The following EEF2K variants were observed in gnomAD, a reference collection of about 807,000 sequenced individuals.
EEF2K encodes eukaryotic elongation factor 2 kinase, also known as alternative protein EEF2K.
EEF2K carries 70 observed loss-of-function variants against 93.8 expected under a neutral mutation model. That is an observed-to-expected ratio of 0.75 (90% confidence interval 0.62 to 0.91). The LOEUF (loss-of-function observed/expected upper bound fraction) is 0.91, where lower values mean the gene tolerates loss of function less well. EEF2K is among the 40% of genes least tolerant of loss of function. EEF2K has a pLI of 0.00. For synonymous variants in EEF2K, 376 were observed against 380.8 expected, an observed-to-expected ratio of 0.99 and a Z score of 0.15; for missense variants, 935 against 972.9, an observed-to-expected ratio of 0.96 and a Z score of 0.52.
At chr16:22,209,644 G>T (rs182747537) in intron 1 of EEF2K, among the ~76,000 whole-genome samples, 4 of 152,312 alleles carry the variant, frequency 2.6e-5, no homozygotes, top group South Asian at 4.1e-4. Context: ...GAAAGCTGCA[G>T]GTTATTACCC....
In EEF2K at chr16:22,286,725, C is replaced by G. The variant is rs1321933857; in HGVS notation, c.*2729C>G. Reference sequence around the variant, plus strand: ...TAAGCCCTGAGGGCAGGAGCTATCCCAATTTTGTGTTCCCCAGGGCACCAA... The same window carrying G: ...TAAGCCCTGAGGGCAGGAGCTATCCGAATTTTGTGTTCCCCAGGGCACCAA... On this transcript the variant is annotated 3_prime_UTR_variant, in exon 18 of 18. Transcript: ENST00000263026. 1 of 152,208 alleles carries G rather than the reference C, an allele frequency of 6.6e-6. No homozygotes were observed. The highest frequency in any genetic ancestry group is 1.5e-5 in the Non-Finnish European group (1 of 68,058). 9.4% of individuals were successfully genotyped at this position (152,208 alleles called of 1,614,324 possible).
rs1033834104 is a variant in EEF2K, at chr16:22,284,671, G to A, written c.*675G>A. On this transcript the variant is annotated 3_prime_UTR_variant, in exon 18 of 18. Coordinates refer to ENST00000263026, the MANE Select transcript of EEF2K (RefSeq NM_013302.5). ...TTTTTGCCTTGAATGGACAATTTTA[G>A]GGCTGTGCTCACTAGTCTTTTCAGG... 1 of 151,340 alleles carries A rather than the reference G, an allele frequency of 6.6e-6. No homozygotes were observed. Among genetic ancestry groups the A allele is most frequent in the Non-Finnish European group, 1.5e-5 (1 of 67,942 alleles). The allele number at this position is 151,340 out of a possible 1,614,324, so 9.4% of individuals were successfully genotyped here.
Position 22,258,594 on chromosome 16 carries a change from C to T in EEF2K, c.1130C>T (p.Ser377Leu). ...GSRPPLLRPL[S>L]ENSGDENMSD... ...CGGCCACCCCTGCTCCGTCCCCTTTCAGAGAACTCTGGAGACGAGAACATG... is the reference window on the plus strand; with the variant it reads ...CGGCCACCCCTGCTCCGTCCCCTTTTAGAGAACTCTGGAGACGAGAACATG... The change falls in exon 10 of 18, where the codon TCA becomes TTA. Residue 377 changes from serine to leucine, a missense_variant. Transcript: ENST00000263026. 1 of 1,614,178 alleles carries T rather than the reference C, an allele frequency of 6.2e-7. No individual in the cohort carries two copies. The highest frequency in any genetic ancestry group is 8.5e-7 in the Non-Finnish European group (1 of 1,180,036).
At chr16:22,278,577 C>T (rs1247269211) in intron 16 of EEF2K, among the ~76,000 whole-genome samples, 2 of 152,100 alleles carry the variant, frequency 1.3e-5, no homozygotes, top group Non-Finnish European at 2.9e-5. Context: ...GAGGGCAGCG[C>T]CTGTCAGACA....
chr16:22,217,160 C>CAAAAA (rs59262131), intron 1 of EEF2K, among the ~76,000 whole-genome samples: 4 of 76,478 alleles, frequency 5.2e-5, no homozygotes, highest in East Asian at 3.4e-4. Context: ...GACCCTGTCT[C>CAAAAA]AAAAAAAAAA....
Position 22,244,710 on chromosome 16 carries a change from C to T in EEF2K, c.327C>T (p.Thr109=), listed in dbSNP as rs768234039. 26 of 1,613,858 alleles carry T rather than the reference C, an allele frequency of 1.6e-5. No individual in the cohort carries two copies. In the African/African-American group the frequency reaches 2.1e-4, roughly 13 times the overall value. The change falls in exon 3 of 18, where the codon ACC becomes ACT. Residue 109 remains threonine (T), a synonymous_variant. Transcript: ENST00000263026. ...WAEFHLEDIA[T]ERATRHRYNA... is the part of the protein sequence containing the mutation. ...AGTTCCACCTGGAAGATATTGCCAC[C>T]GAACGTGCTACTCGACACAGGTCAG...
At chr16:22,254,925 G>T in intron 6 of EEF2K, among the ~76,000 whole-genome samples, 1 of 152,178 alleles carries the variant, frequency 6.6e-6, no homozygotes, top group South Asian at 2.1e-4. Flanking sequence ...ACAAAAATTA[G>T]GCAGGCATGG....
chr16:22,248,155 C>T (rs2047313954), intron 3 of EEF2K, among the ~76,000 whole-genome samples: 1 of 152,100 alleles, frequency 6.6e-6, no homozygotes, highest in Non-Finnish European at 1.5e-5. Context: ...ACCTCCGCCT[C>T]CCGGGTTCAA....
At chr16:22,231,270 A>G (rs1237966577) in intron 2 of EEF2K, among the ~76,000 whole-genome samples, 2 of 151,374 alleles carry the variant, frequency 1.3e-5, no homozygotes, top group Admixed American at 6.6e-5. Context: ...TTATTTGTTT[A>G]TTTATTTATT....
intron 2 of EEF2K, among the ~76,000 whole-genome samples, chr16:22,227,673 T>C (rs1567264861): frequency 6.6e-6 from 1 of 152,218 alleles, no homozygotes; most frequent in Non-Finnish European, 1.5e-5. Flanking sequence ...ACAGCAATTG[T>C]TTACAGACTT....
intron 16 of EEF2K, among the ~76,000 whole-genome samples, chr16:22,279,488 T>C (rs1015379761): frequency 6.6e-6 from 1 of 152,178 alleles, no homozygotes; most frequent in African/African-American, 2.4e-5. Context: ...GATATGGGCA[T>C]GGAATGTGTA....
At chr16:22,276,655 C>T (rs1225905312) in intron 16 of EEF2K, among the ~76,000 whole-genome samples, 3 of 152,142 alleles carry the variant, frequency 2.0e-5, no homozygotes, top group South Asian at 4.1e-4. Context: ...CAGGGGTCAG[C>T]GATTAGGCCT....
chr16:22,229,292 A>G (rs2047093482), intron 2 of EEF2K, among the ~76,000 whole-genome samples: 1 of 152,216 alleles, frequency 6.6e-6, no homozygotes, highest in Non-Finnish European at 1.5e-5. Flanking sequence ...GTGATCCTTC[A>G]TGTTGGTTAT....
At chr16:22,278,674 C>T (rs1317628134) in intron 16 of EEF2K, among the ~76,000 whole-genome samples, 2 of 152,162 alleles carry the variant, frequency 1.3e-5, no homozygotes, top group East Asian at 3.9e-4. Flanking sequence ...GACCCACAGG[C>T]CTTCTTACCT....
At position 22,260,486 on chromosome 16, in the gene EEF2K, A is replaced by C; in HGVS notation, c.1256A>C (p.Asp419Ala). The change falls in exon 11 of 18, where the codon GAT (aspartate) becomes GCT (alanine). Residue 419 changes from aspartate (D) to alanine (A), a missense_variant. By Grantham distance (126) the Asp-to-Ala change is moderately radical (BLOSUM62 -2). Coordinates refer to ENST00000263026, the MANE Select transcript of EEF2K (RefSeq NM_013302.5). The stretch of plus-strand genomic sequence containing the variant: ...GATTGGCCAGTGTTCAGTGACCTCG[A>C]TAACATGGCATCCAGAGACCATGAT... ...HLHWPVFSDL[D>A]NMASRDHDHL... is the part of the protein sequence containing the mutation. 1.2e-6 allele frequency: 2 copies of C among 1,614,202 alleles called. No homozygotes were observed. The highest frequency in any genetic ancestry group is 1.7e-6 in the Non-Finnish European group (2 of 1,180,032).
rs988666815 is a variant in EEF2K, at chr16:22,275,504, G to A, written c.1889+1754G>A. ...ATTACAGGTGCCTGCCACTGTACCC[G>A]GCTAATTTTTATATTTTAAATACAG... is the stretch of plus-strand genomic sequence containing the variant. On this transcript the variant is annotated intron_variant, in intron 16 of 17. Coordinates refer to ENST00000263026, the MANE Select transcript of EEF2K (RefSeq NM_013302.5). Among the ~76,000 whole-genome samples the A allele has an allele frequency of 3.4e-5, 5 of 148,484 alleles. 1 individual carries two copies. The highest frequency in any genetic ancestry group is 6.8e-5 in the Admixed American group (1 of 14,792).
In EEF2K at chr16:22,283,955, T is replaced by C; in HGVS notation, c.2137T>C (p.Tyr713His). 1 of 1,594,194 alleles carries C rather than the reference T, an allele frequency of 6.3e-7. No individual in the cohort carries two copies. The change falls in exon 18 of 18, where the codon TAC (tyrosine) becomes CAC (histidine). Residue 713 changes from tyrosine to histidine, a missense_variant. Tyr to His is a moderately conservative substitution (Grantham distance 83). Coordinates refer to ENST00000263026, the MANE Select transcript of EEF2K (RefSeq NM_013302.5). ...GAAGGGCCGACTGGCCAACCAGTAC[T>C]ACCAAAAGGCTGAAGAGGCCTGGGC... ...AMKGRLANQY[Y>H]QKAEEAWAQM...
chr16:22,258,357 CAA>C, intron 9 of EEF2K, 135 bp from the exon 10 acceptor site: 1 of 886,872 alleles, frequency 1.1e-6, no homozygotes. Context: ...TTTTTTAAGA[CAA>C]TATATCAGCT....
chr16:22,260,892 A>G (rs761193000), intron 11 of EEF2K, among the ~76,000 whole-genome samples: 31 of 152,212 alleles, frequency 2.0e-4, no homozygotes, highest in Non-Finnish European at 3.8e-4. Flanking sequence ...TGTGTAACAC[A>G]TAGCACAGTA....
Sources: gnomAD v4.1 joint callset for allele counts (sites outside exome capture counted in the v4.1 genomes callset) on GRCh38, gnomAD v4.1.1 for gene constraint, MANE v1.5 for transcripts, NCBI Gene and HGNC (gene_info 2026-07-23, HGNC 2026-07-21) for gene names.